SIGLEC6: variants seen among roughly 807,000 people sequenced by gnomAD.
SIGLEC6 encodes sialic acid-binding Ig-like lectin 6.
SIGLEC6 carries 31 observed loss-of-function variants against 41.4 expected under a neutral mutation model. That is an observed-to-expected ratio of 0.75 (90% CI 0.56 to 1.01). The LOEUF is 1.01. Ranked by LOEUF, SIGLEC6 falls within the 50% of genes least tolerant of loss-of-function variation. The pLI is 0.00. For missense variants in SIGLEC6, 555 were observed against 558.6 expected (o/e 0.99, Z 0.06); for synonymous variants, 217 against 231.0 (o/e 0.94, Z 0.55).
Position 51,530,793 on chromosome 19 carries a change from C to G in SIGLEC6, c.594G>C (p.Ser198=), listed in dbSNP as rs368211509. The G allele has an allele frequency of 6.2e-7, 1 of 1,613,990 alleles. No individual in the cohort carries two copies. Among genetic ancestry groups the G allele is most frequent in the Non-Finnish European group, 8.5e-7 (1 of 1,179,962 alleles). Residue 198 remains serine (S), a synonymous_variant, in exon 3 of 8, where the codon TCG becomes TCC. Transcript: ENST00000425629. Reference sequence around the variant, plus strand: ...GGGGCCGTGGGGTGATTGTGAGCACCGAGGACTGGGTGGTCCTGGGGCCCA... The same window carrying G: ...GGGGCCGTGGGGTGATTGTGAGCACGGAGGACTGGGTGGTCCTGGGGCCCA... ...TSLGPRTTQS[S]VLTITPRPQD...
In SIGLEC6 at chr19:51,531,047, T is replaced by C. The variant is rs1003743833; in HGVS notation, c.428-88A>G. The C allele has an allele frequency of 9.5e-6, 15 of 1,574,686 alleles. No individual in the cohort carries two copies. In the South Asian group the frequency reaches 1.3e-4, roughly 13 times the overall value. On this transcript the variant is annotated intron_variant, in intron 2 of 7. Coordinates refer to ENST00000425629, the MANE Select transcript of SIGLEC6 (RefSeq NM_001245.7). ...CCAGTCTCTGGTCCAGCTCCTTCTC[T>C]GAGCCCAACATGCTTAATTGTACCC...
At chr19:51,522,613 C>G (rs1479406096) in intron 7 of SIGLEC6, among the ~76,000 whole-genome samples, 1 of 151,864 alleles carries the variant, frequency 6.6e-6, no homozygotes. Flanking sequence ...TGGTGAAATC[C>G]CATCTCTAAT....
chr19:51,523,061 G>A (rs1323409980), intron 7 of SIGLEC6, among the ~76,000 whole-genome samples: 2 of 151,958 alleles, frequency 1.3e-5, no homozygotes, highest in African/African-American at 4.8e-5. Flanking sequence ...GATCACTTGA[G>A]CCTAGGAGGT....
At chr19:51,521,550 A>G (rs1360719098) in intron 7 of SIGLEC6, among the ~76,000 whole-genome samples, 1 of 152,208 alleles carries the variant, frequency 6.6e-6, no homozygotes, top group African/African-American at 2.4e-5. Context: ...GAATTTCTGC[A>G]GGAGAAATGA....
intron 7 of SIGLEC6, among the ~76,000 whole-genome samples, chr19:51,525,037 A>C (rs1220290465): frequency 6.6e-6 from 1 of 152,176 alleles, no homozygotes; most frequent in Non-Finnish European, 1.5e-5. Context: ...GCCCATGTGG[A>C]GCCCCAAGGG....
chr19:51,527,719 A>G, intron 7 of SIGLEC6, 28 bp downstream of exon 7: 1 of 1,605,316 alleles, frequency 6.2e-7, no homozygotes, highest in Non-Finnish European at 8.5e-7. Context: ...GATAATGCTG[A>G]ATGGAAATTA....
In SIGLEC6 at chr19:51,531,565, TC is replaced by T. The variant is rs1568559861; in HGVS notation, c.67+16del. On this transcript the variant is annotated intron_variant, in intron 1 of 7. Coordinates refer to ENST00000425629, the MANE Select transcript of SIGLEC6 (RefSeq NM_001245.7). ...GCTCGGCCCAGCCCCACGGCACCTCTCCCCTGGCCCACTCACCTGCCCACAG... is the reference window on the plus strand; with the variant it reads ...GCTCGGCCCAGCCCCACGGCACCTCTCCCTGGCCCACTCACCTGCCCACAG... 6.2e-7 allele frequency: 1 copy of T among 1,613,656 alleles called. No homozygotes were observed. Among genetic ancestry groups the T allele is most frequent in the Non-Finnish European group, 8.5e-7 (1 of 1,179,884 alleles).
At chr19:51,528,885 G>A (rs1422855530) in intron 5 of SIGLEC6, among the ~76,000 whole-genome samples, 1 of 150,394 alleles carries the variant, frequency 6.6e-6, no homozygotes, top group Non-Finnish European at 1.5e-5. Flanking sequence ...GGAGGCTGAG[G>A]CAGGAGAATC....
chr19:51,520,289 A>G (rs750207581), intron 7 of SIGLEC6, 34 bp from the exon 8 acceptor site: 3 of 1,479,606 alleles, frequency 2.0e-6, no homozygotes, highest in Non-Finnish European at 2.7e-6. Context: ...TCAGGGCTGG[A>G]CAATAGGTTC....
intron 7 of SIGLEC6, among the ~76,000 whole-genome samples, chr19:51,526,019 C>A (rs1291154962): frequency 6.6e-6 from 1 of 152,094 alleles, no homozygotes; most frequent in African/African-American, 2.4e-5. Flanking sequence ...CCAACCGTTA[C>A]TCTTCACCAG....
chr19:51,521,649 CA>C (rs1289136791), intron 7 of SIGLEC6, among the ~76,000 whole-genome samples: 5 of 152,064 alleles, frequency 3.3e-5, no homozygotes, highest in African/African-American at 1.2e-4. Flanking sequence ...TTCCCCCATC[CA>C]CACATCCCAG....
At chr19:51,531,085 G>A (rs73053415) in intron 2 of SIGLEC6, 75 bp downstream of exon 2, 118,366 of 1,346,364 alleles carry the variant, frequency 0.088, 5,020 homozygotes, top group Middle Eastern at 0.15. Flanking sequence ...CTCCCAAGAC[G>A]GGGCTCCCGT....
rs1990805814 is a variant in SIGLEC6 at position 51,520,201 on chromosome 19, CA to C, written c.1242del (p.Gly415AlafsTer122). 4.4e-6 allele frequency: 7 copies of C among 1,608,638 alleles called. No homozygotes were observed. Among genetic ancestry groups the C allele is most frequent in the Non-Finnish European group, 5.1e-6 (6 of 1,175,888 alleles). On this transcript the variant is annotated frameshift_variant, in exon 8 of 8. Transcript: ENST00000425629. LOFTEE classifies it low-confidence loss of function (END_TRUNC). Reference protein sequence around the residue: ...TGIVSDHPAEAGPISEDEQEL... With the variant: ...TGIVSDHPAEXGPISEDEQEL... ...TCCTGCTCATCTTCTGAGATGGGGC[CA>C]GCCTCAGCAGGGTGGTCTGAAACTA...
In SIGLEC6 at chr19:51,519,062, G is replaced by A. The variant is rs557332483; in HGVS notation, c.*1020C>T. On this transcript the variant is annotated 3_prime_UTR_variant, in exon 8 of 8. Transcript: ENST00000425629. ...TGTAATCTCAGCACTTTGGGAGGCCGAGGAGGGCAGATCACGAGGTCAGGA... is the reference window on the plus strand; with the variant it reads ...TGTAATCTCAGCACTTTGGGAGGCCAAGGAGGGCAGATCACGAGGTCAGGA... Among the ~76,000 whole-genome samples, 15 of 152,126 alleles carry A rather than the reference G, an allele frequency of 9.9e-5. No individual in the cohort carries two copies. Among genetic ancestry groups the A allele is most frequent in the South Asian group, 4.2e-4 (2 of 4,814 alleles).
chr19:51,530,308 T>G (rs1600044116), intron 4 of SIGLEC6, 129 bp downstream of exon 4: 10 of 843,974 alleles, frequency 1.2e-5, no homozygotes. Flanking sequence ...AGGCTGGGGG[T>G]GAGCAAAGAT....
intron 7 of SIGLEC6, among the ~76,000 whole-genome samples, chr19:51,521,878 G>A (rs1457919536): frequency 6.6e-6 from 1 of 152,216 alleles, no homozygotes; most frequent in East Asian, 1.9e-4. Flanking sequence ...ACATCTGAAA[G>A]AAAGGAAACC....
chr19:51,521,596 T>C (rs1364947284), intron 7 of SIGLEC6, among the ~76,000 whole-genome samples: 1 of 151,916 alleles, frequency 6.6e-6, no homozygotes, highest in African/African-American at 2.4e-5. Context: ...ATGAAGAAAA[T>C]AACAGGTGGA....
chr19:51,529,466 C>G, intron 5 of SIGLEC6: 1 of 511,002 alleles, frequency 2.0e-6, no homozygotes, highest in East Asian at 3.5e-5. Flanking sequence ...AGCTGTTGAC[C>G]AAGGGTCCGG....
chr19:51,526,345 G>A (rs1486815424), intron 7 of SIGLEC6, among the ~76,000 whole-genome samples: 2 of 152,186 alleles, frequency 1.3e-5, no homozygotes, highest in Admixed American at 1.3e-4. Flanking sequence ...GAACTACAGA[G>A]GATTCATGTG....
Sources: allele counts gnomAD v4.1 joint callset (sites outside exome capture counted in the v4.1 genomes callset), GRCh38; gene constraint gnomAD v4.1.1; transcripts MANE v1.5; gene names NCBI Gene and HGNC (gene_info 2026-07-23, HGNC 2026-07-21).